EHMT2: variants seen among roughly 807,000 people sequenced by gnomAD.
EHMT2 encodes euchromatic histone lysine methyltransferase 2.
In EHMT2, 59 loss-of-function variants were observed where a neutral mutation model predicts 143.3. The observed-to-expected ratio is 0.41, with a 90% CI of 0.33 to 0.51. The LOEUF is 0.51. Ranked by LOEUF, EHMT2 falls within the 20% of genes least tolerant of loss-of-function variation. The pLI, the probability that EHMT2 is intolerant of heterozygous loss-of-function variation, is 0.18. For missense variants in EHMT2, 1,174 were observed against 1,645.9 expected (o/e 0.71, Z 4.96); for synonymous variants, 604 against 651.5 (o/e 0.93, Z 1.11).
In EHMT2 at chr6:31,888,193, G is replaced by A; in HGVS notation, c.1593C>T (p.Val531=). ...CATCCTCCCCACAGTGGGGACAGAA[G>A]ACCATCCCATTCAGCTGAGACACAC... Residue 531 remains valine, a synonymous_variant, in exon 13 of 28, where the codon GTC becomes GTT. Transcript: ENST00000375537. This position sits in a 1 kb window ranked among gnomAD's most constrained non-coding sequence, Gnocchi z 7.4. The A allele has an allele frequency of 6.2e-7, 1 of 1,613,004 alleles. No homozygotes were observed. The highest frequency in any genetic ancestry group is 8.5e-7 in the Non-Finnish European group (1 of 1,179,984).
Position 31,884,320 on chromosome 6 carries a change from T to G in EHMT2, c.2771+72A>C. 1 of 1,492,478 alleles carries G rather than the reference T, an allele frequency of 6.7e-7. No homozygotes were observed. The highest frequency in any genetic ancestry group is 9.0e-7 in the Non-Finnish European group (1 of 1,113,982). The allele number at this position is 1,492,478 out of a possible 1,614,324, so 92.5% of individuals were successfully genotyped here. A position where few individuals can be genotyped will look rare whatever the true frequency, so the allele number is the denominator to read the frequency against. On this transcript the variant is annotated intron_variant, in intron 21 of 27. Transcript: ENST00000375537. The surrounding 1 kb of genome is among the most constrained non-coding windows in gnomAD (Gnocchi z 7.3). The stretch of plus-strand genomic sequence containing the variant: ...GAGGGGTTGGGGAATGTTGTGAGGA[T>G]GCAATGGAGCCTGGGGAGGGTATGG...
rs756089671 is a variant in EHMT2 at position 31,896,692 on chromosome 6, G to A, written c.242C>T (p.Thr81Ile). The A allele has an allele frequency of 1.9e-6, 3 of 1,611,674 alleles. No homozygotes were observed. The Admixed American group carries it at 5.0e-5, about 27-fold the overall frequency. ...AATGAGTGGTGTAGCCCCTACAGGG[G>A]TGTCAGCCCCCTCATCACCAACAGT... Residue 81 changes from threonine (T) to isoleucine (I), a missense_variant, in exon 3 of 28, where the codon ACC (threonine) becomes ATC (isoleucine). Thr to Ile is a moderately conservative substitution (Grantham distance 89, BLOSUM62 -1). Around this residue, in one of 6 missense-constraint regions of EHMT2, gnomAD observed 399 missense variants for 404.4 expected, o/e 0.99. Transcript: ENST00000375537.
chr6:31,891,093 C>T (rs988752811), intron 7 of EHMT2, among the ~76,000 whole-genome samples: 2 of 152,004 alleles, frequency 1.3e-5, no homozygotes, highest in Admixed American at 6.6e-5. Context: ...CAGGCACGTA[C>T]CACTACGTCC....
At chr6:31,893,388 AT>A (rs1309833368) in intron 4 of EHMT2, 8 of 447,540 alleles carry the variant, frequency 1.8e-5, no homozygotes, top group Non-Finnish European at 3.1e-5. Flanking sequence ...TGGCATGACT[AT>A]GGCTCACTTC....
exon 17 of EHMT2, chr6:31,886,791 C>T (rs1323756545): frequency 6.2e-7 from 1 of 1,614,116 alleles, no homozygotes; most frequent in Non-Finnish European, 8.5e-7. Context: ...ATAGACACAG[C>T]CACCACGCTG....
At chr6:31,890,270 T>C (rs1765513068) in intron 7 of EHMT2, among the ~76,000 whole-genome samples, 1 of 152,144 alleles carries the variant, frequency 6.6e-6, no homozygotes, top group Admixed American at 6.5e-5. Flanking sequence ...ATCTTTCTTA[T>C]TTATTTATTG....
In EHMT2 at chr6:31,896,838, G is replaced by A. The variant is rs770303377; in HGVS notation, c.110-14C>T. 31 of 1,612,786 alleles carry A rather than the reference G, an allele frequency of 1.9e-5. No homozygotes were observed. The highest frequency in any genetic ancestry group is 2.6e-5 in the Non-Finnish European group (31 of 1,179,974). On this transcript the variant is annotated splice_polypyrimidine_tract_variant and intron_variant, in intron 2 of 27. Coordinates refer to ENST00000375537, the Ensembl canonical transcript of EHMT2. Reference sequence around the variant, plus strand: ...AAGAGCCATGAACTGTAGAGGAAGAGAAAAAGTTCAGAGCTAAGGGCTCAG... The same window carrying A: ...AAGAGCCATGAACTGTAGAGGAAGAAAAAAAGTTCAGAGCTAAGGGCTCAG...
In EHMT2 at chr6:31,884,213, C is replaced by G; in HGVS notation, c.2771+179G>C. 1 of 759,006 alleles carries G rather than the reference C, an allele frequency of 1.3e-6. No homozygotes were observed. The highest frequency in any genetic ancestry group is 2.1e-6 in the Non-Finnish European group (1 of 486,832). 47.0% of individuals were successfully genotyped at this position (759,006 alleles called of 1,614,324 possible). The stretch of plus-strand genomic sequence containing the variant: ...CTGAAATTCCAGTTTAACTGGGTGT[C>G]TTCTATTTTTATTTGCTGTATCTGG... On this transcript the variant is annotated intron_variant, in intron 21 of 27. Transcript: ENST00000375537. This position sits in a 1 kb window ranked among gnomAD's most constrained non-coding sequence, Gnocchi z 7.3.
chr6:31,897,018 C>A, intron 1 of EHMT2, 29 bp from the exon 2 acceptor site: 1 of 1,542,860 alleles, frequency 6.5e-7, no homozygotes, highest in Non-Finnish European at 8.7e-7. Context: ...GACAGGAGGG[C>A]TGGTCAGCCC....
In EHMT2 at chr6:31,883,389, C is replaced by A. The variant is rs746658441; in HGVS notation, c.2967G>T (p.Gln989His). Residue 989 changes from glutamine (Q) to histidine (H), a missense_variant, in exon 23 of 28, where the codon CAG becomes CAT. Around this residue, in one of 6 missense-constraint regions of EHMT2, gnomAD observed 78 missense variants for 144.0 expected, o/e 0.54. Coordinates refer to ENST00000375537, the Ensembl canonical transcript of EHMT2. The surrounding 1 kb of genome is among the most constrained non-coding windows in gnomAD (Gnocchi z 5.6). ...TGTCATACCAGCACCGGATGCTGAG[C>A]TGGCCGCACAGGCAGTTGGAGCTAG... 2.2e-5 allele frequency: 36 copies of A among 1,612,866 alleles called. No individual in the cohort carries two copies. Among genetic ancestry groups the A allele is most frequent in the Non-Finnish European group, 1.7e-6 (2 of 1,179,986 alleles).
At chr6:31,896,989 C>G in exon 2 of EHMT2, 1 of 1,567,148 alleles carries the variant, frequency 6.4e-7, no homozygotes, top group Admixed American at 2.0e-5. Flanking sequence ...GGGGCCTCCC[C>G]CTGGGAGGGG....
At chr6:31,896,102 G>C (rs1166814983) in intron 4 of EHMT2, 161 bp downstream of exon 4, 1 of 977,832 alleles carries the variant, frequency 1.0e-6, no homozygotes, top group African/African-American at 1.6e-5. Flanking sequence ...AGAGGAACCT[G>C]TCTGTTGGTT....
rs771055788 is a variant in EHMT2 at position 31,886,772 on chromosome 6, C to T, written c.2241+3G>A. On this transcript the variant is annotated splice_donor_region_variant and intron_variant, in intron 17 of 27. Transcript: ENST00000375537. ...GGCCACGCCCTGCTGCCTGCGCGCA[C>T]ACCTTGCTATAGACACAGCCACCAC... The T allele has an allele frequency of 1.4e-5, 22 of 1,614,230 alleles. 1 individual carries two copies. In the South Asian group the frequency reaches 2.2e-4, roughly 16 times the overall value.
chr6:31,884,581 C>G lies in EHMT2; in HGVS notation c.2604-22G>C. ...TAACCTGAAGAGGGGACAGGATGCC[C>G]AATGCAGGGTCTGAGGCTGCAAGAA... On this transcript the variant is annotated intron_variant, in intron 20 of 27. Transcript: ENST00000375537. This position sits in a 1 kb window ranked among gnomAD's most constrained non-coding sequence, Gnocchi z 7.3. 1 of 1,611,564 alleles carries G rather than the reference C, an allele frequency of 6.2e-7. No individual in the cohort carries two copies. The highest frequency in any genetic ancestry group is 8.5e-7 in the Non-Finnish European group (1 of 1,179,100).
chr6:31,893,124 G>A, intron 4 of EHMT2: 2 of 556,994 alleles, frequency 3.6e-6, no homozygotes, highest in South Asian at 5.1e-5. Flanking sequence ...ACCATGCAGA[G>A]CAGGCCCTTT....
intron 24 of EHMT2, 51 bp from the exon 25 acceptor site, chr6:31,882,836 A>T: frequency 6.2e-7 from 1 of 1,611,306 alleles, no homozygotes; most frequent in South Asian, 1.1e-5. Context: ...GAAAAGCCCC[A>T]GGGGCAGGGA....
chr6:31,889,388 GCCC>G lies in EHMT2; in HGVS notation c.1000-49_1000-47del, dbSNP rs750619678. On this transcript the variant is annotated intron_variant, in intron 8 of 27. Coordinates refer to ENST00000375537, the Ensembl canonical transcript of EHMT2. The surrounding 1 kb of genome is among the most constrained non-coding windows in gnomAD (Gnocchi z 5.1). ...GAGTTAGGAACCCTCACCCCCAGGG[GCCC>G]CCCCAACACCTTCAGGACCAGACCT... 6.8e-6 allele frequency: 11 copies of G among 1,607,624 alleles called. No homozygotes were observed. The African/African-American group carries it at 1.5e-4, about 22-fold the overall frequency.
intron 25 of EHMT2, among the ~76,000 whole-genome samples, chr6:31,882,241 G>C (rs1764198712): frequency 6.6e-6 from 1 of 152,088 alleles, no homozygotes; most frequent in African/African-American, 2.4e-5. Context: ...AGAGGGACAG[G>C]CCCCTGAGGA....
chr6:31,891,346 T>C (rs1430483538), intron 7 of EHMT2, among the ~76,000 whole-genome samples: 2 of 147,964 alleles, frequency 1.4e-5, no homozygotes, highest in African/African-American at 2.6e-5. Context: ...GACAGGATAT[T>C]TGATGGTATT....
Sources: gnomAD v4.1 joint callset for allele counts (sites outside exome capture counted in the v4.1 genomes callset) on GRCh38, gnomAD v4.1.1 for gene constraint, gnomAD v4.1.1 regional missense constraint, Gnocchi (gnomAD v3.1) non-coding constraint, MANE v1.5 for transcripts, NCBI Gene and HGNC (gene_info 2026-07-23, HGNC 2026-07-21) for gene names.